The following NSUN6 variants were observed in gnomAD, a reference collection of about 807,000 sequenced individuals.
The protein encoded by NSUN6 is NOP2/Sun RNA methyltransferase 6.
NSUN6 carries 64 observed loss-of-function variants against 58.0 expected under a neutral mutation model. That is an observed-to-expected ratio of 1.10 (90% CI 0.90 to 1.36). The LOEUF (loss-of-function observed/expected upper bound fraction) is 1.36, where lower values mean the gene tolerates loss of function less well. NSUN6 is among the 40% of genes most tolerant of loss of function. The pLI, the probability that NSUN6 is intolerant of heterozygous loss-of-function variation, is 0.00. For synonymous variants in NSUN6, 231 were observed against 193.9 expected (o/e 1.19, Z -1.59); for missense variants, 701 against 550.1 (o/e 1.27, Z -2.74).
chr10:18,611,746 G>T (rs1054315992), intron 5 of NSUN6, among the ~76,000 whole-genome samples: 8 of 150,690 alleles, frequency 5.3e-5, no homozygotes, highest in Non-Finnish European at 1.2e-4. Context: ...GTGTGTGTGT[G>T]TGTCTGTGTG....
chr10:18,579,819 C>A (rs950331958), intron 8 of NSUN6, among the ~76,000 whole-genome samples: 1 of 152,042 alleles, frequency 6.6e-6, no homozygotes, highest in African/African-American at 2.4e-5. Context: ...ATTTAGTCTG[C>A]CTCAATAAAT....
intron 5 of NSUN6, among the ~76,000 whole-genome samples, chr10:18,612,100 T>C (rs996591311): frequency 3.9e-5 from 6 of 152,060 alleles, no homozygotes; most frequent in Non-Finnish European, 7.4e-5. Flanking sequence ...AAACGAAGCT[T>C]CTGAAATGTC....
At chr10:18,639,909 G>A (rs2059340290) in intron 3 of NSUN6, among the ~76,000 whole-genome samples, 2 of 152,164 alleles carry the variant, frequency 1.3e-5, no homozygotes, top group East Asian at 3.8e-4. Flanking sequence ...ACAGACCTTT[G>A]AACTGGTTAT....
At chr10:18,563,490 T>G (rs1383842951) in intron 8 of NSUN6, among the ~76,000 whole-genome samples, 4 of 150,908 alleles carry the variant, frequency 2.7e-5, no homozygotes, top group Non-Finnish European at 4.4e-5. Context: ...GAGAATGGAA[T>G]AGAATGGAGA....
chr10:18,624,877 T>C (rs561770786), intron 3 of NSUN6, among the ~76,000 whole-genome samples: 1 of 152,230 alleles, frequency 6.6e-6, no homozygotes, highest in East Asian at 1.9e-4. Context: ...TCACAATTCC[T>C]AAACTCTGTA....
chr10:18,653,097 A>G (rs2059737074), upstream of NSUN6: 5 of 984,968 alleles, frequency 5.1e-6, no homozygotes, highest in Non-Finnish European at 6.0e-6. Flanking sequence ...CCTGAATTTC[A>G]TGGTGACCAT....
chr10:18,637,264 C>G (rs2059249985), intron 3 of NSUN6, among the ~76,000 whole-genome samples: 1 of 152,108 alleles, frequency 6.6e-6, no homozygotes, highest in Non-Finnish European at 1.5e-5. Flanking sequence ...CGCCCGGCCT[C>G]TTTTCAGGAA....
chr10:18,590,579 A>G (rs1399858533), intron 7 of NSUN6, among the ~76,000 whole-genome samples: 3 of 152,226 alleles, frequency 2.0e-5, no homozygotes, highest in African/African-American at 7.2e-5. Context: ...GTGCAATCAA[A>G]TTAGGACTCA....
At chr10:18,653,008 T>C, upstream of NSUN6, 1 of 984,964 alleles carries the variant, frequency 1.0e-6, no homozygotes, top group South Asian at 4.7e-5. Context: ...CTTCAATAAA[T>C]CCATGAGATT....
At chr10:18,628,543 T>C (rs1432223832) in intron 3 of NSUN6, among the ~76,000 whole-genome samples, 1 of 151,826 alleles carries the variant, frequency 6.6e-6, no homozygotes, top group Non-Finnish European at 1.5e-5. Context: ...GAATAACCAA[T>C]ACAGAAAAGT....
intron 1 of NSUN6, among the ~76,000 whole-genome samples, chr10:18,649,731 C>A (rs2059650222): frequency 6.6e-6 from 1 of 151,934 alleles, no homozygotes. Flanking sequence ...TGATGAGACT[C>A]GAGGCAGAGG....
intron 3 of NSUN6, among the ~76,000 whole-genome samples, chr10:18,630,205 A>G (rs1422545205): frequency 8.1e-5 from 12 of 148,174 alleles, no homozygotes; most frequent in Non-Finnish European, 1.3e-4. Flanking sequence ...TTTGAAACCA[A>G]CGAGAACAAA....
chr10:18,582,465 G>A (rs1156925536), intron 8 of NSUN6, among the ~76,000 whole-genome samples: 3 of 152,166 alleles, frequency 2.0e-5, no homozygotes, highest in Non-Finnish European at 4.4e-5. Flanking sequence ...TCCATGAGAA[G>A]AATCCGCTAA....
intron 8 of NSUN6, among the ~76,000 whole-genome samples, chr10:18,555,502 G>C (rs1163065194): frequency 4.6e-5 from 7 of 150,644 alleles, no homozygotes; most frequent in Non-Finnish European, 1.5e-5. Context: ...ATGAAGGATG[G>C]TATGGAGAAT....
At chr10:18,632,789 C>T (rs1051534633) in intron 3 of NSUN6, among the ~76,000 whole-genome samples, 1 of 152,190 alleles carries the variant, frequency 6.6e-6, no homozygotes, top group South Asian at 2.1e-4. Context: ...GAAATAGGAA[C>T]AATTTTACAC....
chr10:18,555,772 GGAATGGAATGGA>G (rs1397445110), intron 8 of NSUN6, among the ~76,000 whole-genome samples: 16 of 149,802 alleles, frequency 1.1e-4, no homozygotes, highest in Admixed American at 6.7e-4. Flanking sequence ...GGAAAAGAGC[GGAATGGAATGGA>G]GAATGGAATG....
intron 6 of NSUN6, among the ~76,000 whole-genome samples, 158 bp downstream of exon 6, chr10:18,609,687 T>C (rs2058164096): frequency 6.6e-6 from 1 of 152,118 alleles, no homozygotes; most frequent in Admixed American, 6.5e-5. Context: ...GAAAGGAGAA[T>C]GCTTGTAAAG....
chr10:18,585,418 G>A (rs911830587), intron 8 of NSUN6, among the ~76,000 whole-genome samples: 3 of 151,174 alleles, frequency 2.0e-5, no homozygotes, highest in African/African-American at 4.8e-5. Context: ...ATCAAGAAAC[G>A]AATGAATAAA....
upstream of NSUN6, among the ~76,000 whole-genome samples, chr10:18,656,821 T>C (rs1471338889): frequency 2.1e-5 from 1 of 48,674 alleles, no homozygotes; most frequent in Admixed American, 2.3e-4. Context: ...CAATCCTTTT[T>C]TTTTTTTTTT....
Sources: gnomAD v4.1 joint callset for allele counts (sites outside exome capture counted in the v4.1 genomes callset) on GRCh38, gnomAD v4.1.1 for gene constraint, MANE v1.5 for transcripts, NCBI Gene and HGNC (gene_info 2026-07-23, HGNC 2026-07-21) for gene names.